EVA1A: variants seen among roughly 807,000 people sequenced by gnomAD.
EVA1A encodes protein eva-1 homolog A.
A neutral mutation model predicts 9.8 loss-of-function variants in EVA1A; 7 were observed. That is an observed-to-expected ratio of 0.71 (90% CI 0.41 to 1.34). EVA1A has a LOEUF of 1.34. EVA1A is among the 40% of genes most tolerant of loss of function. The pLI is 0.01. For synonymous variants in EVA1A, 90 were observed against 85.6 expected (o/e 1.05, Z -0.28); for missense variants, 206 against 205.9 (o/e 1.00, Z 0.00).
chr2:75,502,290 A>C (rs927340554), intron 3 of EVA1A, among the ~76,000 whole-genome samples: 7 of 152,180 alleles, frequency 4.6e-5, no homozygotes, highest in Non-Finnish European at 2.9e-5. Flanking sequence ...CATTTCTTAG[A>C]GACTCCTATG....
In EVA1A at chr2:75,498,488, A is replaced by T. The variant is rs368672763; in HGVS notation, c.86-4879T>A. ...GTACCCCCAAAACTAAAATAAAAGTAAAAAAAACCCCAAAAAACAGAAACA... is the reference window on the plus strand; with the variant it reads ...GTACCCCCAAAACTAAAATAAAAGTTAAAAAAACCCCAAAAAACAGAAACA... On this transcript the variant is annotated intron_variant, in intron 3 of 3. Transcript: ENST00000393913. 1.9e-3 allele frequency among the ~76,000 whole-genome samples: 289 copies of T among 152,070 alleles called. 6 individuals carry two copies. Among genetic ancestry groups the T allele is most frequent in the African/African-American group, 6.6e-3 (272 of 41,454 alleles).
Position 75,498,801 on chromosome 2 carries a change from CTTTT to C in EVA1A, c.86-5196_86-5193del, listed in dbSNP as rs35246724. Among the ~76,000 whole-genome samples, 862 of 147,256 alleles carry C rather than the reference CTTTT, an allele frequency of 5.9e-3. 7 individuals are homozygous for C. Among genetic ancestry groups the C allele is most frequent in the African/African-American group, 0.02 (804 of 40,370 alleles). ...ACATTTAAATTTGCACCACACACAC[CTTTT>C]TTTTTTTTTTTAAAAAGATGGTCTT... On this transcript the variant is annotated intron_variant, in intron 3 of 3. Transcript: ENST00000393913.
intron 3 of EVA1A, among the ~76,000 whole-genome samples, chr2:75,500,838 C>A (rs936858522): frequency 1.3e-5 from 2 of 150,924 alleles, no homozygotes; most frequent in Non-Finnish European, 3.0e-5. Context: ...TGGCTTCTTG[C>A]CATAAATTAA....
intron 3 of EVA1A, among the ~76,000 whole-genome samples, chr2:75,504,509 A>G (rs777638382): frequency 6.6e-6 from 1 of 152,172 alleles, no homozygotes; most frequent in Non-Finnish European, 1.5e-5. Flanking sequence ...CCCTCTCTAA[A>G]ATGCTGGAGG....
intron 3 of EVA1A, among the ~76,000 whole-genome samples, chr2:75,495,488 C>T (rs1298611077): frequency 6.6e-6 from 1 of 152,196 alleles, no homozygotes; most frequent in East Asian, 1.9e-4. Context: ...CCAGGTCACG[C>T]TCACAAAGGT....
At chr2:75,502,888 C>T (rs570170485) in intron 3 of EVA1A, among the ~76,000 whole-genome samples, 6 of 152,244 alleles carry the variant, frequency 3.9e-5, no homozygotes, top group Admixed American at 6.5e-5. Flanking sequence ...AAATAGAAAA[C>T]GATATTAAAG....
intron 1 of EVA1A, among the ~76,000 whole-genome samples, chr2:75,528,770 G>A (rs941116277): frequency 1.3e-5 from 2 of 152,094 alleles, no homozygotes; most frequent in African/African-American, 2.4e-5. Context: ...AGTTATCCAG[G>A]TGACCTTAGG....
intron 2 of EVA1A, among the ~76,000 whole-genome samples, chr2:75,519,793 T>C (rs977581827): frequency 2.0e-5 from 3 of 152,092 alleles, no homozygotes; most frequent in African/African-American, 7.2e-5. Context: ...TAGTGAGCCA[T>C]GTGTATTTCA....
At chr2:75,525,936 C>A (rs1675422464) in intron 1 of EVA1A, among the ~76,000 whole-genome samples, 1 of 152,214 alleles carries the variant, frequency 6.6e-6, no homozygotes, top group African/African-American at 2.4e-5. Context: ...CTAACTTTAA[C>A]ACACTGTGAT....
chr2:75,557,565 C>T (rs1045092276), intron 1 of EVA1A, among the ~76,000 whole-genome samples: 4 of 152,210 alleles, frequency 2.6e-5, no homozygotes, highest in Admixed American at 2.0e-4. Flanking sequence ...TATTTATATG[C>T]TAGGTGCACA....
At chr2:75,517,499 G>A (rs1439652863) in intron 3 of EVA1A, among the ~76,000 whole-genome samples, 2 of 152,156 alleles carry the variant, frequency 1.3e-5, no homozygotes, top group Admixed American at 1.3e-4. Flanking sequence ...ATCTTGAGGA[G>A]AAAATCAGCC....
chr2:75,498,424 C>T (rs977292316), intron 3 of EVA1A, among the ~76,000 whole-genome samples: 2 of 151,994 alleles, frequency 1.3e-5, no homozygotes, highest in Admixed American at 6.6e-5. Context: ...CACCAAACCT[C>T]AGTGACATGC....
intron 1 of EVA1A, among the ~76,000 whole-genome samples, chr2:75,546,717 A>C (rs1676342149): frequency 1.3e-5 from 2 of 152,098 alleles, no homozygotes; most frequent in South Asian, 4.1e-4. Flanking sequence ...GGAACTCCTA[A>C]CTTCCAACAC....
At chr2:75,505,555 A>G (rs531967801) in intron 3 of EVA1A, among the ~76,000 whole-genome samples, 1 of 152,330 alleles carries the variant, frequency 6.6e-6, no homozygotes, top group South Asian at 2.1e-4. Context: ...TAACATTAAA[A>G]GAGTAGGGAA....
intron 1 of EVA1A, among the ~76,000 whole-genome samples, chr2:75,540,516 A>G (rs1676073739): frequency 6.6e-6 from 1 of 152,236 alleles, no homozygotes; most frequent in Non-Finnish European, 1.5e-5. Context: ...ACCCAGAGGA[A>G]TAGTTTTCCT....
At chr2:75,496,673 A>C (rs1431413195) in intron 3 of EVA1A, among the ~76,000 whole-genome samples, 2 of 152,144 alleles carry the variant, frequency 1.3e-5, no homozygotes, top group Non-Finnish European at 2.9e-5. Context: ...CAGAATTAGA[A>C]AAAAAAATGA....
At chr2:75,503,772 T>C (rs961802070) in intron 3 of EVA1A, among the ~76,000 whole-genome samples, 1 of 151,556 alleles carries the variant, frequency 6.6e-6, no homozygotes, top group Non-Finnish European at 1.5e-5. Context: ...GAAAGGTGAG[T>C]GGAGGGTAGG....
chr2:75,512,068 G>C (rs1175638523), intron 3 of EVA1A, among the ~76,000 whole-genome samples: 1 of 151,764 alleles, frequency 6.6e-6, no homozygotes, highest in East Asian at 1.9e-4. Context: ...CATATTTATG[G>C]GGTACCCAAA....
In EVA1A at chr2:75,493,312, T is replaced by TCGCGCTCCTCCAGCCGCTGGG. The variant is rs1674093181; in HGVS notation, c.362_382dup (p.Ala121_Arg127dup). ...CATCCAGATCTCCCTGATGATGCGCTCGCGCTCCTCCAGCCGCTGGGCGCG... is the reference window on the plus strand; with the variant it reads ...CATCCAGATCTCCCTGATGATGCGCTCGCGCTCCTCCAGCCGCTGGGCGCGCTCCTCCAGCCGCTGGGCGCG... On this transcript the variant is annotated inframe_insertion, in exon 4 of 4. Transcript: ENST00000393913. The TCGCGCTCCTCCAGCCGCTGGG allele has an allele frequency of 6.8e-6, 11 of 1,613,990 alleles. No individual in the cohort carries two copies. The East Asian group carries it at 2.2e-4, about 33-fold the overall frequency.
Sources: gnomAD v4.1 joint callset for allele counts (sites outside exome capture counted in the v4.1 genomes callset) on GRCh38, gnomAD v4.1.1 for gene constraint, MANE v1.5 for transcripts, NCBI Gene and HGNC (gene_info 2026-07-23, HGNC 2026-07-21) for gene names.